The following DACH2 variants were observed in gnomAD, a reference collection of about 807,000 sequenced individuals.
The protein encoded by DACH2 is dachshund family transcription factor 2.
DACH2 carries 17 observed loss-of-function variants against 35.8 expected under a neutral mutation model. The ratio of observed to expected loss-of-function variants is 0.48; its 90% CI spans 0.33 to 0.71. DACH2 has a LOEUF of 0.71. Among genes scored for constraint, DACH2 ranks in the 30% least tolerant of loss-of-function variants. The pLI, the probability that DACH2 is intolerant of heterozygous loss-of-function variation, is 0.02. For synonymous variants in DACH2, 195 were observed against 177.3 expected (o/e 1.10, Z -0.79); for missense variants, 469 against 472.7 (o/e 0.99, Z 0.07).
intron 2 of DACH2, among the ~76,000 whole-genome samples, chrX:86,513,980 C>T (rs1017966443): frequency 9.0e-6 from 1 of 111,481 alleles, no homozygotes; most frequent in African/African-American, 3.3e-5. Context: ...GCTTTAAAAG[C>T]AGGGGTAACT....
chrX:86,678,004 T>C (rs1055082408), intron 4 of DACH2, among the ~76,000 whole-genome samples: 7 of 112,203 alleles, frequency 6.2e-5, no homozygotes, highest in Non-Finnish European at 1.1e-4. Context: ...GCAGATGGCA[T>C]TGCTCAGAAG....
intron 1 of DACH2, among the ~76,000 whole-genome samples, chrX:86,288,549 G>A (rs1436640372): frequency 8.9e-6 from 1 of 112,021 alleles, no homozygotes; most frequent in African/African-American, 3.2e-5. Flanking sequence ...CACCTTAGAG[G>A]TGTAATTGTG....
At chrX:86,446,199 G>A (rs1006330083) in intron 2 of DACH2, among the ~76,000 whole-genome samples, 1 of 108,629 alleles carries the variant, frequency 9.2e-6, no homozygotes, top group African/African-American at 3.4e-5. Flanking sequence ...TGTGTGGAAT[G>A]TCTTTTTTTA....
At chrX:86,178,764 C>G (rs1039212878) in intron 1 of DACH2, among the ~76,000 whole-genome samples, 15 of 111,290 alleles carry the variant, frequency 1.3e-4, no homozygotes, top group African/African-American at 4.9e-4. Flanking sequence ...TAATAAGCCT[C>G]ATGTACATAA....
At chrX:86,388,350 T>G in intron 2 of DACH2, among the ~76,000 whole-genome samples, 1 of 112,000 alleles carries the variant, frequency 8.9e-6, no homozygotes, top group Middle Eastern at 4.6e-3. Context: ...GAGTGAAGCT[T>G]TGATGGGGGT....
At chrX:86,403,514 A>G (rs1229129905) in intron 2 of DACH2, among the ~76,000 whole-genome samples, 1 of 112,174 alleles carries the variant, frequency 8.9e-6, no homozygotes, top group African/African-American at 3.2e-5. Context: ...CTAAAGTGTC[A>G]AAAACAAAAG....
chrX:86,543,092 C>A (rs1031627714), intron 3 of DACH2, among the ~76,000 whole-genome samples: 4 of 111,344 alleles, frequency 3.6e-5, no homozygotes, highest in Admixed American at 9.6e-5. Context: ...GGCATTAAGA[C>A]TGGTGCGCTC....
intron 1 of DACH2, among the ~76,000 whole-genome samples, chrX:86,277,741 A>G (rs1232804322): frequency 8.1e-5 from 9 of 111,744 alleles, no homozygotes; most frequent in Non-Finnish European, 1.7e-4. Context: ...ACAACAACCA[A>G]TTGAGAGCAA....
intron 2 of DACH2, among the ~76,000 whole-genome samples, chrX:86,495,167 C>A (rs2038149997): frequency 9.0e-6 from 1 of 110,600 alleles, no homozygotes; most frequent in South Asian, 3.8e-4. Flanking sequence ...CCTGCCTCAG[C>A]CTCCCAAGTA....
At chrX:86,748,164 T>C (rs901997741) in intron 7 of DACH2, among the ~76,000 whole-genome samples, 4 of 112,282 alleles carry the variant, frequency 3.6e-5, no homozygotes, top group Non-Finnish European at 7.5e-5. Context: ...ACTGAAGTCT[T>C]GAGTCCCTCA....
rs58707735 is a variant in DACH2 at position 86,158,522 on chromosome X, CGTGT to C, written c.488+9437_488+9440del. 2.1e-3 allele frequency among the ~76,000 whole-genome samples: 219 copies of C among 103,256 alleles called. 2 individuals are homozygous for C. Among genetic ancestry groups the C allele is most frequent in the African/African-American group, 5.8e-3 (164 of 28,511 alleles). The allele number at this position is 103,256 out of a possible 115,157, so 89.7% of individuals were successfully genotyped here. On this transcript the variant is annotated intron_variant, in intron 1 of 11. Coordinates refer to ENST00000373125, the MANE Select transcript of DACH2 (RefSeq NM_053281.3). The stretch of plus-strand genomic sequence containing the variant: ...ATTAGATTTGTTATGATAGCCTGTG[CGTGT>C]GTGTGTGTGTGTGTGTGTGTGTCTA...
chrX:86,163,210 A>T (rs1192338134), intron 1 of DACH2, among the ~76,000 whole-genome samples: 1 of 110,407 alleles, frequency 9.1e-6, no homozygotes, highest in Middle Eastern at 4.3e-3. Flanking sequence ...TATTCTTCCA[A>T]ACCTCTGGTA....
intron 1 of DACH2, among the ~76,000 whole-genome samples, chrX:86,293,794 C>G (rs1274414463): frequency 1.8e-5 from 2 of 111,783 alleles, no homozygotes; most frequent in Non-Finnish European, 3.8e-5. Flanking sequence ...GAGAGATCAG[C>G]TGTTAGTCTG....
intron 2 of DACH2, among the ~76,000 whole-genome samples, chrX:86,425,161 G>T (rs2036871528): frequency 2.7e-5 from 3 of 110,580 alleles, no homozygotes; most frequent in Non-Finnish European, 1.9e-5. Context: ...GTCTTTATCT[G>T]GTTTTAGTAT....
chrX:86,210,765 T>C (rs2032427177), intron 1 of DACH2, among the ~76,000 whole-genome samples: 2 of 111,752 alleles, frequency 1.8e-5, no homozygotes, highest in South Asian at 7.3e-4. Context: ...ATGACAACCA[T>C]CAGTCTTCTA....
At chrX:86,555,173 G>C (rs776327514) in intron 3 of DACH2, among the ~76,000 whole-genome samples, 1 of 111,683 alleles carries the variant, frequency 9.0e-6, no homozygotes, top group African/African-American at 3.2e-5. Flanking sequence ...AATATCTTAA[G>C]TAACGCCACA....
chrX:86,693,161 T>C lies in DACH2; in HGVS notation c.773-1860T>C, dbSNP rs762118899. Reference sequence around the variant, plus strand: ...ATGTTTTCAATGAACATAGCAGACCTCAACATGATCAAGGGAATGATTTCT... The same window carrying C: ...ATGTTTTCAATGAACATAGCAGACCCCAACATGATCAAGGGAATGATTTCT... On this transcript the variant is annotated intron_variant, in intron 4 of 11. Coordinates refer to ENST00000373125, the MANE Select transcript of DACH2 (RefSeq NM_053281.3). 4.5e-5 allele frequency among the ~76,000 whole-genome samples: 5 copies of C among 112,166 alleles called. No individual in the cohort carries two copies. The South Asian group carries it at 1.9e-3, about 42-fold the overall frequency.
intron 2 of DACH2, among the ~76,000 whole-genome samples, chrX:86,409,322 G>A (rs2036573702): frequency 9.0e-6 from 1 of 111,295 alleles, no homozygotes; most frequent in African/African-American, 3.3e-5. Context: ...ATGGCATAGT[G>A]GCACTTCATA....
intron 1 of DACH2, among the ~76,000 whole-genome samples, chrX:86,172,865 C>T (rs1302078123): frequency 9.0e-6 from 1 of 111,630 alleles, no homozygotes; most frequent in Admixed American, 9.5e-5. Flanking sequence ...TAACAAAGAT[C>T]CCTTGAATGG....
Sources: gnomAD v4.1 joint callset for allele counts (sites outside exome capture counted in the v4.1 genomes callset) on GRCh38, gnomAD v4.1.1 for gene constraint, MANE v1.5 for transcripts, NCBI Gene and HGNC (gene_info 2026-07-23, HGNC 2026-07-21) for gene names.